The following GPC5 variants were observed in gnomAD, a reference collection of about 807,000 sequenced individuals.
The protein encoded by GPC5 is glypican 5.
Under a neutral mutation model 53.9 loss-of-function variants are expected in GPC5, and 47 were observed. The ratio of observed to expected loss-of-function variants is 0.87; its 90% CI spans 0.69 to 1.11. GPC5 has a LOEUF of 1.11. Among genes scored for constraint, GPC5 ranks in the 50% most tolerant of loss-of-function variants. The pLI is 0.00. For synonymous variants in GPC5, 286 were observed against 263.3 expected, an observed-to-expected ratio of 1.09 and a Z score of -0.84; for missense variants, 748 against 713.1, an observed-to-expected ratio of 1.05 and a Z score of -0.56.
Position 91,432,205 on chromosome 13 carries a change from GTGTGTGT to G in GPC5, c.164-16555_164-16549del, listed in dbSNP as rs1165453174. Among the ~76,000 whole-genome samples, 118 of 119,612 alleles carry G rather than the reference GTGTGTGT, an allele frequency of 9.9e-4. No homozygotes were observed. In the East Asian group the frequency reaches 0.012, roughly 13 times the overall value. The allele number at this position is 119,612 out of a possible 152,430, so 78.5% of individuals were successfully genotyped here. A position where few individuals can be genotyped will look rare whatever the true frequency, so the allele number is the denominator to read the frequency against. ...TTCCACTGCTGCTGCTGCTGCTGCT[GTGTGTGT>G]GTGTGTGTGTGTGTGTGTGTGTGTG... On this transcript the variant is annotated intron_variant, in intron 1 of 7. Transcript: ENST00000377067.
chr13:92,220,359 C>T (rs1043075140), intron 7 of GPC5, among the ~76,000 whole-genome samples: 1 of 152,170 alleles, frequency 6.6e-6, no homozygotes. Context: ...TGAGTTAAAA[C>T]ACTGGTTTTT....
chr13:92,164,917 T>G (rs2042016408), intron 7 of GPC5, among the ~76,000 whole-genome samples: 1 of 152,266 alleles, frequency 6.6e-6, no homozygotes, highest in African/African-American at 2.4e-5. Context: ...CCACCAAGGC[T>G]TGGGGTTCGC....
intron 7 of GPC5, among the ~76,000 whole-genome samples, chr13:92,310,247 ATC>A (rs1223199517): frequency 1.3e-5 from 2 of 152,086 alleles, no homozygotes; most frequent in African/African-American, 4.8e-5. Flanking sequence ...CTAAATAACA[ATC>A]TATCACATCT....
intron 7 of GPC5, among the ~76,000 whole-genome samples, chr13:92,368,634 TAAAAA>T (rs34793615): frequency 7.5e-5 from 5 of 66,356 alleles, no homozygotes; most frequent in Admixed American, 2.3e-4. Flanking sequence ...AAGACTGTCT[TAAAAA>T]AAAAAAAAAA....
chr13:92,259,621 T>C (rs753030342), intron 7 of GPC5, among the ~76,000 whole-genome samples: 2 of 152,162 alleles, frequency 1.3e-5, no homozygotes, highest in Non-Finnish European at 2.9e-5. Flanking sequence ...TGGTAACTAA[T>C]AGAGAATTAA....
chr13:92,571,321 T>C (rs1284950058), intron 7 of GPC5, among the ~76,000 whole-genome samples: 1 of 152,154 alleles, frequency 6.6e-6, no homozygotes, highest in Non-Finnish European at 1.5e-5. Flanking sequence ...ACAGAGCAAG[T>C]TGAGGCTTAC....
At chr13:91,799,205 A>G (rs1418018142) in intron 5 of GPC5, among the ~76,000 whole-genome samples, 1 of 152,238 alleles carries the variant, frequency 6.6e-6, no homozygotes, top group African/African-American at 2.4e-5. Context: ...GCTGTAAGAC[A>G]TTATCCTAAA....
At chr13:92,508,128 T>C (rs1008081139) in intron 7 of GPC5, among the ~76,000 whole-genome samples, 1 of 152,134 alleles carries the variant, frequency 6.6e-6, no homozygotes, top group African/African-American at 2.4e-5. Context: ...CATGCTGGGC[T>C]AATTTTTTGT....
chr13:92,166,533 C>T (rs2042028930), intron 7 of GPC5, among the ~76,000 whole-genome samples: 1 of 151,428 alleles, frequency 6.6e-6, no homozygotes, highest in Non-Finnish European at 1.5e-5. Flanking sequence ...ACCGGAGAAA[C>T]TTCCATTGTC....
chr13:92,471,115 C>T (rs1264221115), intron 7 of GPC5, among the ~76,000 whole-genome samples: 1 of 152,114 alleles, frequency 6.6e-6, no homozygotes, highest in Non-Finnish European at 1.5e-5. Flanking sequence ...ACAGTGCCCT[C>T]AGCCACAACA....
At chr13:92,336,978 A>G (rs2043328181) in intron 7 of GPC5, among the ~76,000 whole-genome samples, 1 of 152,112 alleles carries the variant, frequency 6.6e-6, no homozygotes, top group African/African-American at 2.4e-5. Flanking sequence ...CATGAGACTT[A>G]TTCACTATCA....
intron 6 of GPC5, among the ~76,000 whole-genome samples, chr13:91,934,403 A>G (rs1232525900): frequency 6.6e-6 from 1 of 151,906 alleles, no homozygotes; most frequent in African/African-American, 2.4e-5. Context: ...CACATTGCAG[A>G]TTGCTCTCTA....
rs72635468 is a variant in GPC5, at chr13:92,097,635, G to A, written c.1402-47195G>A. ...AGCCTTTGCTCTACTGGAGAGAAGC[G>A]AGAAGCCCATGATATAAAAGGGAGA... On this transcript the variant is annotated intron_variant, in intron 6 of 7. Coordinates refer to ENST00000377067, the MANE Select transcript of GPC5 (RefSeq NM_004466.6). Among the ~76,000 whole-genome samples the A allele has an allele frequency of 4.2e-3, 634 of 152,270 alleles. 2 individuals carry two copies. The highest frequency in any genetic ancestry group is 0.01 in the Middle Eastern group (3 of 294).
chr13:92,454,439 C>T (rs1440688100), intron 7 of GPC5, among the ~76,000 whole-genome samples: 1 of 152,166 alleles, frequency 6.6e-6, no homozygotes, highest in African/African-American at 2.4e-5. Context: ...TTGAATATAA[C>T]CAAGATTCAA....
intron 7 of GPC5, among the ~76,000 whole-genome samples, chr13:92,678,404 A>G (rs1175301906): frequency 2.0e-5 from 3 of 151,770 alleles, no homozygotes; most frequent in Admixed American, 2.0e-4. Context: ...TGTTTTAAAT[A>G]TGGTTGCCAG....
chr13:91,767,162 A>G (rs2037541696), intron 5 of GPC5, among the ~76,000 whole-genome samples: 1 of 152,184 alleles, frequency 6.6e-6, no homozygotes, highest in African/African-American at 2.4e-5. Context: ...TTTATGAGTT[A>G]ATAAAAATTA....
rs144082501 is a variant in GPC5, at chr13:92,849,340, A to C, written c.1562-16942A>C. 1.4e-4 allele frequency among the ~76,000 whole-genome samples: 22 copies of C among 152,346 alleles called. No homozygotes were observed. The East Asian group carries it at 4.2e-3, about 29-fold the overall frequency. On this transcript the variant is annotated intron_variant, in intron 7 of 7. Transcript: ENST00000377067. ...ATGTACACAGAATATTTAGAGGTTG[A>C]AGTATTAAGTTAAATATAGCAATTT...
intron 2 of GPC5, among the ~76,000 whole-genome samples, chr13:91,596,976 C>T (rs984026700): frequency 6.6e-6 from 1 of 152,168 alleles, no homozygotes; most frequent in Admixed American, 6.5e-5. Context: ...AACTCTGCCG[C>T]TTTGATTTCT....
At chr13:92,184,346 C>A (rs1376153183) in intron 7 of GPC5, among the ~76,000 whole-genome samples, 2 of 152,090 alleles carry the variant, frequency 1.3e-5, no homozygotes, top group Admixed American at 1.3e-4. Context: ...CAGGAGAGCA[C>A]ACAAAAAAAT....
Sources: allele counts gnomAD v4.1 joint callset (sites outside exome capture counted in the v4.1 genomes callset), GRCh38; gene constraint gnomAD v4.1.1; transcripts MANE v1.5; gene names NCBI Gene and HGNC (gene_info 2026-07-23, HGNC 2026-07-21).